Variants in FGD1 observed in about 807,000 individuals in gnomAD.
FGD1 encodes FYVE, RhoGEF and PH domain containing 1.
Under a neutral mutation model 65.0 loss-of-function variants are expected in FGD1, and 12 were observed. The ratio of observed to expected loss-of-function variants is 0.18; its 90% CI spans 0.12 to 0.30. The LOEUF (loss-of-function observed/expected upper bound fraction) is 0.30, where lower values mean the gene tolerates loss of function less well. FGD1 is among the 10% of genes least tolerant of loss of function. The pLI is 1.00. For synonymous variants in FGD1, 333 were observed against 343.9 expected, an observed-to-expected ratio of 0.97 and a Z score of 0.35; for missense variants, 542 against 837.6, an observed-to-expected ratio of 0.65 and a Z score of 4.36.
intron 8 of FGD1, among the ~76,000 whole-genome samples, chrX:54,463,568 C>T (rs1470233282): frequency 8.9e-6 from 1 of 111,738 alleles, no homozygotes; most frequent in Non-Finnish European, 1.9e-5. Context: ...CCATGGCTAC[C>T]CACCATACTC....
intron 2 of FGD1, 64 bp downstream of exon 2, chrX:54,471,250 A>G: frequency 8.7e-7 from 1 of 1,143,080 alleles, no homozygotes; most frequent in East Asian, 3.0e-5. Context: ...GCCACTGGCT[A>G]ACTTCTCCCC....
In FGD1 at chrX:54,446,120, C is replaced by A. The variant is rs1397832644; in HGVS notation, c.2875G>T (p.Asp959Tyr). ...AEPPESPQTR[D>Y]KT ...TTGTCCCAAACCCTCTAGGTCTTGTCTCGGGTCTGGGGGGATTCGGGGGGT... is the reference window on the plus strand; with the variant it reads ...TTGTCCCAAACCCTCTAGGTCTTGTATCGGGTCTGGGGGGATTCGGGGGGT... The change falls in exon 18 of 18, where the codon GAC becomes TAC. Residue 959 changes from aspartate (D) to tyrosine (Y), a missense_variant. Asp to Tyr is a radical substitution (Grantham distance 160). Around this residue, in one of 6 missense-constraint regions of FGD1, gnomAD observed 182 missense variants for 311.4 expected, o/e 0.58. Transcript: ENST00000375135. 1 of 1,208,513 alleles carries A rather than the reference C, an allele frequency of 8.3e-7. No individual in the cohort carries two copies. The highest frequency in any genetic ancestry group is 1.1e-6 in the Non-Finnish European group (1 of 894,129).
At chrX:54,452,970 T>C (rs1449210888) in intron 12 of FGD1, among the ~76,000 whole-genome samples, 2 of 111,185 alleles carry the variant, frequency 1.8e-5, no homozygotes, top group African/African-American at 3.3e-5. Context: ...TACTTACACT[T>C]TTCCGGATAT....
Position 54,449,580 on chromosome X carries a change from G to T in FGD1, c.2148+79C>A, listed in dbSNP as rs898019620. On this transcript the variant is annotated intron_variant, in intron 14 of 17. Coordinates refer to ENST00000375135, the MANE Select transcript of FGD1 (RefSeq NM_004463.3). The stretch of plus-strand genomic sequence containing the variant: ...GTCATTACCGTCTAGGAAAGGGAGA[G>T]GATCATCTAAAGGTCAGGTGGGCAT... The T allele has an allele frequency of 3.9e-5, 26 of 673,095 alleles. No individual in the cohort carries two copies. The African/African-American group carries it at 4.4e-4, about 11-fold the overall frequency. 55.5% of individuals were successfully genotyped at this position (673,095 alleles called of 1,213,427 possible).
At position 54,495,504 on chromosome X, in the gene FGD1, G is replaced by T; in HGVS notation, c.-72C>A. 5 of 750,142 alleles carry T rather than the reference G, an allele frequency of 6.7e-6. No individual in the cohort carries two copies. Among genetic ancestry groups the T allele is most frequent in the Non-Finnish European group, 8.5e-6 (5 of 590,521 alleles). 61.8% of individuals were successfully genotyped at this position (750,142 alleles called of 1,213,427 possible). On this transcript the variant is annotated 5_prime_UTR_variant, in exon 1 of 18. Coordinates refer to ENST00000375135, the MANE Select transcript of FGD1 (RefSeq NM_004463.3). The stretch of plus-strand genomic sequence containing the variant: ...TCCTGGGGCGGAGGCGCGGGCGGAG[G>T]AGGCCCGGCGCCCGGCGGAGCAGCG...
At chrX:54,458,540 CAAAAA>C (rs774218099) in intron 8 of FGD1, among the ~76,000 whole-genome samples, 1 of 17,591 alleles carries the variant, frequency 5.7e-5, no homozygotes, top group East Asian at 1.8e-3. Context: ...GACTACGTCT[CAAAAA>C]AAAAAAAAAA....
intron 1 of FGD1, among the ~76,000 whole-genome samples, chrX:54,490,774 AAAC>A (rs1923396624): frequency 9.0e-6 from 1 of 111,410 alleles, no homozygotes; most frequent in African/African-American, 3.3e-5. Context: ...TGGTTTCAGA[AAAC>A]AACATGGAGC....
intron 1 of FGD1, among the ~76,000 whole-genome samples, chrX:54,478,042 C>G (rs754485828): frequency 2.7e-5 from 3 of 111,002 alleles, no homozygotes; most frequent in Admixed American, 9.6e-5. Flanking sequence ...GGCTTGAACC[C>G]GGGAGGCGGA....
intron 1 of FGD1, among the ~76,000 whole-genome samples, chrX:54,473,069 G>A (rs1440816369): frequency 9.0e-6 from 1 of 111,472 alleles, no homozygotes; most frequent in African/African-American, 3.3e-5. Flanking sequence ...CAGTCACAAA[G>A]ACCTGCGGCC....
intron 1 of FGD1, among the ~76,000 whole-genome samples, chrX:54,474,322 C>T (rs1210630818): frequency 3.8e-4 from 43 of 112,379 alleles, no homozygotes; most frequent in Admixed American, 3.2e-3. Context: ...CAGAAAGAGT[C>T]ACAGGGGATT....
In FGD1 at chrX:54,496,022, G is replaced by A. The variant is rs1462484188; in HGVS notation, c.-590C>T. ...GTGGCCGGGGGCGCGCGTGTGCGCT[G>A]CGCTTGGGCTGCGGGGCTCGCCTTC... On this transcript the variant is annotated 5_prime_UTR_variant, in exon 1 of 18. Transcript: ENST00000375135. 1 of 112,963 alleles carries A rather than the reference G, an allele frequency of 8.9e-6. No homozygotes were observed. Among genetic ancestry groups the A allele is most frequent in the Non-Finnish European group, 1.9e-5 (1 of 53,253 alleles). The allele number at this position is 112,963 out of a possible 1,213,427, so 9.3% of individuals were successfully genotyped here.
intron 1 of FGD1, among the ~76,000 whole-genome samples, chrX:54,487,895 A>G (rs1923315794): frequency 9.1e-6 from 1 of 110,087 alleles, no homozygotes; most frequent in East Asian, 2.9e-4. Flanking sequence ...GGTTGCAGTG[A>G]GCCGAGATCA....
chrX:54,451,600 C>A (rs964761774), intron 12 of FGD1, among the ~76,000 whole-genome samples: 4 of 105,568 alleles, frequency 3.8e-5, no homozygotes, highest in Non-Finnish European at 7.8e-5. Flanking sequence ...TGATTGTATT[C>A]TTTTAAAAAA....
rs777603696 is a variant in FGD1 at position 54,456,594 on chromosome X, A to G, written c.1637-27T>C. ...TACAGGCATAGAGGGGTGAGGTCAGATGGGGGACTAGCAGAGAGGAGCCTT... is the reference window on the plus strand; with the variant it reads ...TACAGGCATAGAGGGGTGAGGTCAGGTGGGGGACTAGCAGAGAGGAGCCTT... On this transcript the variant is annotated intron_variant, in intron 8 of 17. Coordinates refer to ENST00000375135, the MANE Select transcript of FGD1 (RefSeq NM_004463.3). The G allele has an allele frequency of 1.3e-5, 15 of 1,149,824 alleles. No homozygotes were observed. In the South Asian group the frequency reaches 2.0e-4, roughly 16 times the overall value. 94.8% of individuals were successfully genotyped at this position (1,149,824 alleles called of 1,213,427 possible).
intron 17 of FGD1, 95 bp downstream of exon 17, chrX:54,447,197 TAGGCTCACCTTATCTTCCA>T (rs779801706): frequency 2.0e-4 from 164 of 835,354 alleles, no homozygotes; most frequent in Middle Eastern, 1.4e-3. Flanking sequence ...CTCTTAGAGA[TAGGCTCACCTTATCTTCCA>T]AGGCTCACCT....
At chrX:54,492,195 C>T (rs1923425654) in intron 1 of FGD1, among the ~76,000 whole-genome samples, 1 of 111,566 alleles carries the variant, frequency 9.0e-6, no homozygotes, top group African/African-American at 3.3e-5. Context: ...AACAACTGTA[C>T]CTTTCCCCAC....
At chrX:54,455,299 A>C (rs1306444158) in intron 12 of FGD1, 149 bp downstream of exon 12, 4 of 527,804 alleles carry the variant, frequency 7.6e-6, no homozygotes, top group Non-Finnish European at 1.0e-5. Context: ...ACCCTTAGGG[A>C]TCACCCCCAC....
At chrX:54,454,208 G>C (rs1261732496) in intron 12 of FGD1, among the ~76,000 whole-genome samples, 2 of 111,700 alleles carry the variant, frequency 1.8e-5, no homozygotes, top group Non-Finnish European at 3.8e-5. Flanking sequence ...TACACTAGAT[G>C]GTCTAGCCTA....
At chrX:54,495,100 C>T (rs957515489) in intron 1 of FGD1, 26 bp downstream of exon 1, 29 of 1,163,669 alleles carry the variant, frequency 2.5e-5, no homozygotes, top group Non-Finnish European at 3.2e-5. Flanking sequence ...GCCCGGGCTC[C>T]CATGCTCTCT....
Sources: allele counts gnomAD v4.1 joint callset (sites outside exome capture counted in the v4.1 genomes callset), GRCh38; gene constraint gnomAD v4.1.1; regional missense constraint gnomAD v4.1.1; transcripts MANE v1.5; gene names NCBI Gene and HGNC (gene_info 2026-07-23, HGNC 2026-07-21).